The following KCNIP4 variants were observed in gnomAD, a reference collection of about 807,000 sequenced individuals.
KCNIP4 encodes Kv channel-interacting protein 4.
A neutral mutation model predicts 34.0 loss-of-function variants in KCNIP4; 12 were observed. The observed-to-expected ratio is 0.35, with a 90% CI of 0.23 to 0.57. KCNIP4 has a LOEUF of 0.57. Among genes scored for constraint, KCNIP4 ranks in the 20% least tolerant of loss-of-function variants. The pLI, the probability that KCNIP4 is intolerant of heterozygous loss-of-function variation, is 0.83. For missense variants in KCNIP4, 238 were observed against 311.7 expected (o/e 0.76, Z 1.78); for synonymous variants, 124 against 102.2 (o/e 1.21, Z -1.29).
chr4:20,772,954 A>T (rs1457821438), intron 3 of KCNIP4, among the ~76,000 whole-genome samples: 1 of 151,844 alleles, frequency 6.6e-6, no homozygotes, highest in African/African-American at 2.4e-5. Flanking sequence ...TCTTATTGCC[A>T]TTCTGAGAAA....
At chr4:21,598,148 T>C (rs1206102841) in intron 1 of KCNIP4, among the ~76,000 whole-genome samples, 1 of 152,100 alleles carries the variant, frequency 6.6e-6, no homozygotes, top group African/African-American at 2.4e-5. Flanking sequence ...AATACTGTGT[T>C]TTATGCATAA....
At chr4:21,102,651 TTC>T (rs1436580077) in intron 1 of KCNIP4, among the ~76,000 whole-genome samples, 1 of 152,230 alleles carries the variant, frequency 6.6e-6, no homozygotes, top group African/African-American at 2.4e-5. Flanking sequence ...ATGTAATTAA[TTC>T]TGTCTATAAT....
chr4:21,909,320 A>C (rs1211618714), intron 1 of KCNIP4, among the ~76,000 whole-genome samples: 1 of 152,022 alleles, frequency 6.6e-6, no homozygotes, highest in Admixed American at 6.6e-5. Context: ...TGAATTCTTC[A>C]GTCAGCCCAG....
intron 1 of KCNIP4, among the ~76,000 whole-genome samples, chr4:20,955,165 C>G (rs766002755): frequency 6.6e-6 from 1 of 152,172 alleles, no homozygotes; most frequent in Non-Finnish European, 1.5e-5. Context: ...TTACTAGAAG[C>G]CTCACCTGCA....
chr4:21,509,916 G>A (rs28634569), intron 1 of KCNIP4, among the ~76,000 whole-genome samples: 10,834 of 151,652 alleles, frequency 0.071, 1,197 homozygotes, highest in African/African-American at 0.24. Flanking sequence ...TCAGGAGTTC[G>A]AGACCAGCCT....
chr4:21,078,248 C>G (rs951827920), intron 1 of KCNIP4, among the ~76,000 whole-genome samples: 5 of 152,074 alleles, frequency 3.3e-5, no homozygotes, highest in African/African-American at 7.2e-5. Context: ...CCTTAAGTAT[C>G]TAGTTTGGGT....
intron 1 of KCNIP4, chr4:21,582,458 G>C (rs544489885): frequency 6.6e-6 from 1 of 151,912 alleles, no homozygotes; most frequent in East Asian, 1.9e-4. Flanking sequence ...CTAATTTTCT[G>C]ATTCAATAAT....
intron 1 of KCNIP4, among the ~76,000 whole-genome samples, chr4:20,982,732 C>T (rs989614656): frequency 2.0e-5 from 3 of 152,166 alleles, no homozygotes; most frequent in Admixed American, 6.5e-5. Flanking sequence ...ACCTGTATAC[C>T]GGATCTTGTT....
chr4:21,876,926 C>T (rs1282091976), intron 1 of KCNIP4, among the ~76,000 whole-genome samples: 2 of 151,970 alleles, frequency 1.3e-5, no homozygotes, highest in Non-Finnish European at 1.5e-5. Flanking sequence ...GCCAGTCCAT[C>T]TGCTAGTGGC....
chr4:20,945,206 G>A (rs1323550339), intron 1 of KCNIP4, among the ~76,000 whole-genome samples: 3 of 152,152 alleles, frequency 2.0e-5, no homozygotes. Flanking sequence ...CTGATTCAGG[G>A]CAGCAATCTA....
chr4:21,478,140 GT>G (rs1422689739), intron 1 of KCNIP4, among the ~76,000 whole-genome samples: 20 of 151,904 alleles, frequency 1.3e-4, no homozygotes, highest in African/African-American at 4.6e-4. Context: ...TATTTGATAT[GT>G]TTTGGACTTT....
intron 1 of KCNIP4, among the ~76,000 whole-genome samples, chr4:21,129,910 T>C (rs907218965): frequency 2.8e-4 from 42 of 151,640 alleles, no homozygotes; most frequent in African/African-American, 9.9e-4. Flanking sequence ...ACAGTGTGAA[T>C]GTAAATGATG....
chr4:20,933,657 T>G (rs539737432), intron 1 of KCNIP4, among the ~76,000 whole-genome samples: 1 of 152,252 alleles, frequency 6.6e-6, no homozygotes, highest in East Asian at 1.9e-4. Context: ...TCCAAACAAT[T>G]GTTACTTTAA....
intron 1 of KCNIP4, among the ~76,000 whole-genome samples, chr4:21,765,201 G>T (rs1343480495): frequency 1.3e-5 from 2 of 151,184 alleles, no homozygotes; most frequent in African/African-American, 4.9e-5. Context: ...TGTCACCCAG[G>T]CTGGAATGGA....
intron 1 of KCNIP4, among the ~76,000 whole-genome samples, chr4:21,738,736 T>C (rs1198219258): frequency 1.3e-5 from 2 of 152,178 alleles, no homozygotes; most frequent in Admixed American, 6.6e-5. Flanking sequence ...TATCAAGGTC[T>C]ATGCATTTGT....
At chr4:20,837,062 T>C (rs1719134722) in intron 3 of KCNIP4, among the ~76,000 whole-genome samples, 2 of 152,300 alleles carry the variant, frequency 1.3e-5, no homozygotes, top group Non-Finnish European at 2.9e-5. Flanking sequence ...TGGTGCTCGA[T>C]GCTTAATATG....
intron 1 of KCNIP4, among the ~76,000 whole-genome samples, chr4:21,937,397 A>G (rs1012361719): frequency 6.6e-6 from 1 of 151,834 alleles, no homozygotes; most frequent in African/African-American, 2.4e-5. Flanking sequence ...CCCTTGTTCA[A>G]ACGTTTGTTT....
chr4:21,697,328 A>C, intron 1 of KCNIP4: 4 of 1,419,880 alleles, frequency 2.8e-6, no homozygotes, highest in Non-Finnish European at 2.7e-6. Flanking sequence ...AAAAAAAAAA[A>C]AAAAAAAAAA....
At chr4:21,325,475 T>C (rs2109311043) in intron 1 of KCNIP4, among the ~76,000 whole-genome samples, 2 of 152,006 alleles carry the variant, frequency 1.3e-5, no homozygotes, top group Middle Eastern at 3.4e-3. Flanking sequence ...TTTTATTTAT[T>C]TGGTTTTCTC....
Sources: allele counts gnomAD v4.1 joint callset (sites outside exome capture counted in the v4.1 genomes callset), GRCh38; gene constraint gnomAD v4.1.1; transcripts MANE v1.5; gene names NCBI Gene and HGNC (gene_info 2026-07-23, HGNC 2026-07-21).